The following PAQR5 variants were observed in gnomAD, a reference collection of about 807,000 sequenced individuals.
PAQR5 encodes the protein progestin and adipoQ receptor family member 5.
Under a neutral mutation model 34.5 loss-of-function variants are expected in PAQR5, and 20 were observed. The ratio of observed to expected loss-of-function variants is 0.58; its 90% CI spans 0.41 to 0.84. The LOEUF (loss-of-function observed/expected upper bound fraction) is 0.84. Among genes scored for constraint, PAQR5 ranks in the 40% least tolerant of loss-of-function variants. The pLI is 0.00. For synonymous variants in PAQR5, 131 were observed against 155.6 expected (o/e 0.84, Z 1.18); for missense variants, 378 against 412.7 (o/e 0.92, Z 0.73).
intron 6 of PAQR5, among the ~76,000 whole-genome samples, chr15:69,390,826 ACT>A: frequency 7.0e-6 from 1 of 143,192 alleles, no homozygotes; most frequent in East Asian, 2.0e-4. Context: ...TCTAATTCCC[ACT>A]GTTTTTTTTT....
chr15:69,388,161 C>G (rs1276480290), intron 5 of PAQR5, among the ~76,000 whole-genome samples: 2 of 152,206 alleles, frequency 1.3e-5, no homozygotes, highest in African/African-American at 4.8e-5. Flanking sequence ...TCAAAGCCCT[C>G]AATCCCACCA....
At chr15:69,300,080 G>T (rs1205263568) in intron 1 of PAQR5, among the ~76,000 whole-genome samples, 1 of 152,102 alleles carries the variant, frequency 6.6e-6, no homozygotes, top group Non-Finnish European at 1.5e-5. Flanking sequence ...TTCCAGAGCT[G>T]CATGGTCGCT....
chr15:69,359,835 T>G, intron 2 of PAQR5, 131 bp from the exon 3 acceptor site: 1 of 466,342 alleles, frequency 2.1e-6, no homozygotes, highest in Admixed American at 3.8e-5. Context: ...ATTTTGCTGT[T>G]TTTAAGGAAG....
At chr15:69,400,145 T>C (rs1264556546) in intron 8 of PAQR5, 30 bp downstream of exon 8, 2 of 1,597,122 alleles carry the variant, frequency 1.3e-6, no homozygotes, top group South Asian at 2.3e-5. Context: ...GCTGCTCTGC[T>C]CATTGCCCTC....
At chr15:69,347,340 C>T (rs1431626754) in intron 2 of PAQR5, among the ~76,000 whole-genome samples, 2 of 152,110 alleles carry the variant, frequency 1.3e-5, no homozygotes, top group South Asian at 2.1e-4. Flanking sequence ...AAGTTATAAA[C>T]GTCATTATAA....
At position 69,379,863 on chromosome 15, in the gene PAQR5, CT is replaced by C; in HGVS notation, c.52-16del. On this transcript the variant is annotated intron_variant, in intron 3 of 8. Coordinates refer to ENST00000395407, the MANE Select transcript of PAQR5 (RefSeq NM_017705.4). ...CACCCTCTGGTCTCACCTCAGTGTC[CT>C]TTTCCTTTGCCTCTGCAGGTGTTCC... 1 of 1,611,404 alleles carries C rather than the reference CT, an allele frequency of 6.2e-7. No individual in the cohort carries two copies.
intron 8 of PAQR5, 134 bp from the exon 9 acceptor site, chr15:69,403,447 G>C (rs2056696938): frequency 1.3e-6 from 1 of 793,420 alleles, no homozygotes; most frequent in African/African-American, 1.7e-5. Context: ...GCATATTCTG[G>C]AGATTTTATA....
intron 4 of PAQR5, among the ~76,000 whole-genome samples, chr15:69,382,694 A>ATG (rs1567032581): frequency 3.9e-4 from 27 of 69,966 alleles, no homozygotes; most frequent in African/African-American, 1.5e-3. Context: ...ATATATATAT[A>ATG]TATATATATA....
At chr15:69,335,267 T>C (rs2054486699) in intron 1 of PAQR5, among the ~76,000 whole-genome samples, 1 of 97,702 alleles carries the variant, frequency 1.0e-5, no homozygotes, top group Non-Finnish European at 2.1e-5. Flanking sequence ...TTTTTTGAAA[T>C]GGAGTTTTGC....
chr15:69,316,101 A>T (rs2053940722), intron 1 of PAQR5, among the ~76,000 whole-genome samples: 1 of 151,960 alleles, frequency 6.6e-6, no homozygotes, highest in African/African-American at 2.4e-5. Flanking sequence ...TATTTTTTTG[A>T]AACAGAGTCT....
At chr15:69,395,847 T>C (rs532870584) in intron 6 of PAQR5, among the ~76,000 whole-genome samples, 30 of 152,146 alleles carry the variant, frequency 2.0e-4, no homozygotes, top group Admixed American at 5.9e-4. Context: ...ATGTACCATG[T>C]ATGACTTACA....
intron 1 of PAQR5, among the ~76,000 whole-genome samples, chr15:69,335,151 G>T (rs1384918803): frequency 1.3e-5 from 2 of 151,742 alleles, no homozygotes; most frequent in African/African-American, 4.8e-5. Context: ...TTGAACCCAG[G>T]AGGTGGAGGT....
chr15:69,397,594 T>A, intron 7 of PAQR5, 30 bp downstream of exon 7: 1 of 1,373,672 alleles, frequency 7.3e-7, no homozygotes. Context: ...CCTCTCTGCC[T>A]GTTGGCAACA....
intron 6 of PAQR5, among the ~76,000 whole-genome samples, chr15:69,396,369 A>G (rs993424628): frequency 6.6e-6 from 1 of 151,974 alleles, no homozygotes; most frequent in Non-Finnish European, 1.5e-5. Context: ...CCATCCCTCC[A>G]GTGTGATAGG....
At chr15:69,339,558 T>C (rs1036637962) in intron 2 of PAQR5, among the ~76,000 whole-genome samples, 22 of 151,900 alleles carry the variant, frequency 1.4e-4, no homozygotes, top group African/African-American at 5.1e-4. Context: ...CTGCAGCCTC[T>C]GCCTCCCAGG....
At chr15:69,395,179 C>G (rs1225529419) in intron 6 of PAQR5, among the ~76,000 whole-genome samples, 1 of 152,170 alleles carries the variant, frequency 6.6e-6, no homozygotes, top group Non-Finnish European at 1.5e-5. Flanking sequence ...TGCCGGAGGA[C>G]TAAGAAGGCC....
intron 1 of PAQR5, among the ~76,000 whole-genome samples, chr15:69,323,304 G>A (rs1167743178): frequency 6.6e-6 from 1 of 152,250 alleles, no homozygotes; most frequent in Non-Finnish European, 1.5e-5. Context: ...TGCTCCCAGT[G>A]AGAGTGCTCC....
intron 6 of PAQR5, among the ~76,000 whole-genome samples, chr15:69,395,566 C>T (rs1206160365): frequency 6.6e-6 from 1 of 152,202 alleles, no homozygotes; most frequent in Non-Finnish European, 1.5e-5. Flanking sequence ...AGCATCGTTT[C>T]ATCAAATCCA....
chr15:69,324,488 A>C (rs918779028), intron 1 of PAQR5, among the ~76,000 whole-genome samples: 5 of 152,224 alleles, frequency 3.3e-5, no homozygotes, highest in African/African-American at 1.2e-4. Flanking sequence ...AGAAACTCAG[A>C]AACTAAGGAA....
Sources: gnomAD v4.1 joint callset for allele counts (sites outside exome capture counted in the v4.1 genomes callset) on GRCh38, gnomAD v4.1.1 for gene constraint, MANE v1.5 for transcripts, NCBI Gene and HGNC (gene_info 2026-07-23, HGNC 2026-07-21) for gene names.